The following NUBPL variants were observed in gnomAD, a reference collection of about 807,000 sequenced individuals.
The protein encoded by NUBPL is iron-sulfur cluster transfer protein NUBPL.
NUBPL carries 31 observed loss-of-function variants against 45.7 expected under a neutral mutation model. The ratio of observed to expected loss-of-function variants is 0.68; its 90% confidence interval spans 0.51 to 0.92. The LOEUF is 0.92. NUBPL is among the 40% of genes least tolerant of loss of function. The pLI, the probability that NUBPL is intolerant of heterozygous loss-of-function variation, is 0.00. For synonymous variants in NUBPL, 144 were observed against 140.9 expected (o/e 1.02, Z -0.15); for missense variants, 401 against 398.7 (o/e 1.01, Z -0.05).
At chr14:31,663,407 A>G (rs977334871) in intron 4 of NUBPL, among the ~76,000 whole-genome samples, 6 of 152,098 alleles carry the variant, frequency 3.9e-5, no homozygotes, top group African/African-American at 1.4e-4. Context: ...TCTTGAGTTA[A>G]TTTTTGTATA....
intron 1 of NUBPL, 125 bp downstream of exon 1, chr14:31,561,672 C>G: frequency 3.0e-6 from 2 of 665,158 alleles, no homozygotes; most frequent in Non-Finnish European, 4.7e-6. Flanking sequence ...GTGTGCTGGA[C>G]GTGCCTACTT....
chr14:31,759,712 A>G (rs1296522666), intron 6 of NUBPL, among the ~76,000 whole-genome samples: 1 of 151,148 alleles, frequency 6.6e-6, no homozygotes. Context: ...TTCTTGGGGT[A>G]ATGATATGTG....
At chr14:31,742,694 C>A (rs2038311545) in intron 6 of NUBPL, among the ~76,000 whole-genome samples, 1 of 152,078 alleles carries the variant, frequency 6.6e-6, no homozygotes, top group Non-Finnish European at 1.5e-5. Context: ...ACCTCCACTT[C>A]CTGGGTTCAA....
intron 4 of NUBPL, among the ~76,000 whole-genome samples, chr14:31,649,589 T>A (rs1867510101): frequency 6.6e-6 from 1 of 152,236 alleles, no homozygotes; most frequent in African/African-American, 2.4e-5. Context: ...GCAAAAAGTT[T>A]AAAAACATAC....
intron 4 of NUBPL, among the ~76,000 whole-genome samples, chr14:31,621,509 C>T (rs1452419046): frequency 6.6e-6 from 1 of 152,170 alleles, no homozygotes; most frequent in Non-Finnish European, 1.5e-5. Context: ...CCTCTTGGTA[C>T]AGTCTCTCAC....
chr14:31,732,981 CTA>C (rs989194977), intron 6 of NUBPL, among the ~76,000 whole-genome samples: 5 of 152,010 alleles, frequency 3.3e-5, no homozygotes, highest in African/African-American at 9.7e-5. Flanking sequence ...TGAGGAAATT[CTA>C]TGTTTTCATC....
rs191957350 is a variant in NUBPL at position 31,697,042 on chromosome 14, T to C, written c.513+23468T>C. On this transcript the variant is annotated intron_variant, in intron 6 of 10. Transcript: ENST00000281081. ...TTAAATTTGACCAGTGTTTCAAATA[T>C]AAAGCAAAGATGTTTGGGTCGTCTT... is the stretch of plus-strand genomic sequence containing the variant. Among the ~76,000 whole-genome samples, 27 of 152,338 alleles carry C rather than the reference T, an allele frequency of 1.8e-4. No homozygotes were observed. In the East Asian group the frequency reaches 5.2e-3, roughly 29 times the overall value.
In NUBPL at chr14:31,564,984, A is replaced by C. The variant is rs746346803; in HGVS notation, c.257-30A>C. 3 of 1,354,332 alleles carry C rather than the reference A, an allele frequency of 2.2e-6. No homozygotes were observed. The South Asian group carries it at 3.9e-5, about 18-fold the overall frequency. 83.9% of individuals were successfully genotyped at this position (1,354,332 alleles called of 1,614,324 possible). On this transcript the variant is annotated intron_variant, in intron 2 of 10. Transcript: ENST00000281081. ...GAATTTTAATAGAAGGAAAGTTACT[A>C]AATTCAATTACTTTTTTTGTTTCTT...
At chr14:31,720,363 A>C (rs938676145) in intron 6 of NUBPL, among the ~76,000 whole-genome samples, 1 of 152,158 alleles carries the variant, frequency 6.6e-6, no homozygotes, top group African/African-American at 2.4e-5. Context: ...TAAAACATGG[A>C]TATAGTAATA....
intron 6 of NUBPL, among the ~76,000 whole-genome samples, chr14:31,723,267 T>C (rs1206332998): frequency 2.0e-5 from 3 of 152,194 alleles, no homozygotes; most frequent in Admixed American, 6.5e-5. Context: ...TGTGGCCTTA[T>C]TTCTGGGTTA....
At chr14:31,842,071 C>T (rs1223594957) in intron 8 of NUBPL, among the ~76,000 whole-genome samples, 3 of 151,256 alleles carry the variant, frequency 2.0e-5, no homozygotes, top group Non-Finnish European at 4.4e-5. Flanking sequence ...GCTGGGACTA[C>T]AGGCACCCGC....
chr14:31,592,931 A>T (rs1017124441), intron 3 of NUBPL, among the ~76,000 whole-genome samples: 7 of 152,166 alleles, frequency 4.6e-5, no homozygotes, highest in African/African-American at 1.7e-4. Context: ...CCCTCATGGG[A>T]TTTACATTCT....
chr14:31,657,245 T>C (rs1794291333), intron 4 of NUBPL, among the ~76,000 whole-genome samples: 1 of 152,234 alleles, frequency 6.6e-6, no homozygotes, highest in Admixed American at 6.5e-5. Flanking sequence ...TTGATGACTG[T>C]GCTTTTTATT....
At chr14:31,593,374 T>G (rs959449946) in intron 3 of NUBPL, among the ~76,000 whole-genome samples, 1 of 151,080 alleles carries the variant, frequency 6.6e-6, no homozygotes, top group Non-Finnish European at 1.5e-5. Context: ...ATTAGCCGGG[T>G]GTGCTGGGGG....
intron 4 of NUBPL, among the ~76,000 whole-genome samples, chr14:31,664,305 C>A (rs1233831265): frequency 6.6e-6 from 1 of 152,130 alleles, no homozygotes; most frequent in African/African-American, 2.4e-5. Context: ...GCATCCTTGT[C>A]TTGTGCTGGT....
intron 6 of NUBPL, among the ~76,000 whole-genome samples, chr14:31,766,346 A>G (rs1210817723): frequency 6.6e-6 from 1 of 152,202 alleles, no homozygotes. Context: ...TAGTCATTTA[A>G]TTATGTGAAA....
Position 31,841,924 on chromosome 14 carries a change from T to C in NUBPL, c.694-4547T>C, listed in dbSNP as rs1398349068. On this transcript the variant is annotated intron_variant, in intron 8 of 10. Transcript: ENST00000281081. ...GTATGGGTCGATTCTGGGCTTTTTT[T>C]TTTTTTTTTTTTTTTTTTTTTTTTG... 4.4e-5 allele frequency among the ~76,000 whole-genome samples: 5 copies of C among 113,520 alleles called. No homozygotes were observed. In the East Asian group the frequency reaches 9.3e-4, roughly 21 times the overall value. 74.5% of individuals were successfully genotyped at this position (113,520 alleles called of 152,430 possible).
intron 8 of NUBPL, among the ~76,000 whole-genome samples, chr14:31,843,207 C>A (rs1459546933): frequency 3.9e-5 from 6 of 152,244 alleles, no homozygotes; most frequent in African/African-American, 1.4e-4. Context: ...ACACTTAAAG[C>A]TTTGGCCTAG....
intron 7 of NUBPL, among the ~76,000 whole-genome samples, chr14:31,811,962 G>A (rs912706625): frequency 1.3e-5 from 2 of 152,214 alleles, no homozygotes; most frequent in African/African-American, 4.8e-5. Flanking sequence ...CTGCAGAACA[G>A]CAAATATTGC....
Sources: allele counts gnomAD v4.1 joint callset (sites outside exome capture counted in the v4.1 genomes callset), GRCh38; gene constraint gnomAD v4.1.1; transcripts MANE v1.5; gene names NCBI Gene and HGNC (gene_info 2026-07-23, HGNC 2026-07-21).